TLK1: variants seen among roughly 807,000 people sequenced by gnomAD.
TLK1 encodes the protein serine/threonine-protein kinase tousled-like 1.
TLK1 carries 24 observed loss-of-function variants against 105.3 expected under a neutral mutation model. That is an observed-to-expected ratio of 0.23 (90% confidence interval 0.17 to 0.32). The LOEUF (loss-of-function observed/expected upper bound fraction) is 0.32, where lower values mean the gene tolerates loss of function less well. Ranked by LOEUF, TLK1 falls within the 10% of genes least tolerant of loss-of-function variation. The pLI is 1.00. For missense variants in TLK1, 558 were observed against 910.5 expected, an observed-to-expected ratio of 0.61 and a Z score of 4.98; for synonymous variants, 321 against 310.4, an observed-to-expected ratio of 1.03 and a Z score of -0.36.
At chr2:171,071,294 CT>C (rs199944263) in intron 3 of TLK1, among the ~76,000 whole-genome samples, 135 of 144,518 alleles carry the variant, frequency 9.3e-4, no homozygotes, top group Middle Eastern at 3.5e-3. Flanking sequence ...CCCATTTGTC[CT>C]TTTTTTTTTT....
intron 1 of TLK1, among the ~76,000 whole-genome samples, chr2:171,173,419 C>T (rs1220863219): frequency 6.6e-6 from 1 of 152,078 alleles, no homozygotes; most frequent in African/African-American, 2.4e-5. Context: ...CAGCCCCAAA[C>T]TCCTGTTGCC....
chr2:171,090,610 T>C (rs1328488625), intron 2 of TLK1, among the ~76,000 whole-genome samples: 1 of 152,228 alleles, frequency 6.6e-6, no homozygotes. Context: ...TTCCTAGGTA[T>C]TCACTTTCTA....
At chr2:171,081,680 C>T (rs757840543) in intron 3 of TLK1, 3 of 1,304,176 alleles carry the variant, frequency 2.3e-6, no homozygotes, top group Admixed American at 2.3e-5. Flanking sequence ...GTCACTTGCA[C>T]AGTCCTTTCA....
chr2:171,189,827 G>A (rs1481361749), intron 1 of TLK1, among the ~76,000 whole-genome samples: 1 of 152,090 alleles, frequency 6.6e-6, no homozygotes, highest in Non-Finnish European at 1.5e-5. Context: ...TCCACCTCCA[G>A]CATTGTATTT....
At chr2:171,082,971 A>T (rs1392784335) in intron 2 of TLK1, 119 bp from the exon 3 acceptor site, 13 of 695,382 alleles carry the variant, frequency 1.9e-5, no homozygotes, top group Admixed American at 1.3e-4. Context: ...ATAAAGTATA[A>T]TTCCTTAAAA....
chr2:171,114,828 C>G (rs2105525380), intron 2 of TLK1, among the ~76,000 whole-genome samples: 1 of 151,872 alleles, frequency 6.6e-6, no homozygotes, highest in Admixed American at 6.6e-5. Context: ...GAGTGAGATC[C>G]TGTCTCAGAG....
In TLK1 at chr2:171,006,829, G is replaced by A. The variant is rs2105363271; in HGVS notation, c.1569C>T (p.Leu523=). ...CTGTATCCAAGGAGAAATAATCATAGAGTTTAACTATTCTGGGGTGATCCA... is the reference window on the plus strand; with the variant it reads ...CTGTATCCAAGGAGAAATAATCATAAAGTTTAACTATTCTGGGGTGATCCA... ...KELDHPRIVK[L]YDYFSLDTDT... The change falls in exon 16 of 21, where the codon CTC becomes CTT. Residue 523 remains leucine (L), a synonymous_variant. Transcript: ENST00000431350. The A allele has an allele frequency of 2.5e-6, 4 of 1,613,120 alleles. No homozygotes were observed. The highest frequency in any genetic ancestry group is 1.3e-5 in the African/African-American group (1 of 75,008).
At chr2:171,076,860 G>C (rs1299407592) in intron 3 of TLK1, among the ~76,000 whole-genome samples, 1 of 151,930 alleles carries the variant, frequency 6.6e-6, no homozygotes, top group Non-Finnish European at 1.5e-5. Flanking sequence ...CTTGCAGTGA[G>C]CCGAGATGGC....
rs1250233357 is a variant in TLK1, at chr2:170,992,697, T to C, written c.*1083A>G. 1 of 152,632 alleles carries C rather than the reference T, an allele frequency of 6.6e-6. No homozygotes were observed. Among genetic ancestry groups the C allele is most frequent in the East Asian group, 1.9e-4 (1 of 5,200 alleles). The allele number at this position is 152,632 out of a possible 1,614,324, so 9.5% of individuals were successfully genotyped here. A position where few individuals can be genotyped will look rare whatever the true frequency, so the allele number is the denominator to read the frequency against. ...TAATGACTGTCTGCTTTTTAATATC[T>C]ATGATGTACAGTCAACTTGCACCTT... On this transcript the variant is annotated 3_prime_UTR_variant, in exon 21 of 21. Coordinates refer to ENST00000431350, the MANE Select transcript of TLK1 (RefSeq NM_012290.5).
At chr2:171,110,363 G>T (rs1316383797) in intron 2 of TLK1, among the ~76,000 whole-genome samples, 1 of 152,226 alleles carries the variant, frequency 6.6e-6, no homozygotes, top group Non-Finnish European at 1.5e-5. Flanking sequence ...CAGCTACTCG[G>T]GAGGCTGAGG....
intron 18 of TLK1, among the ~76,000 whole-genome samples, chr2:171,001,871 A>G (rs1251801452): frequency 1.3e-5 from 2 of 151,708 alleles, no homozygotes; most frequent in African/African-American, 4.8e-5. Context: ...ACCTCTGCCT[A>G]CTGGGTTCAA....
chr2:171,220,704 A>G (rs1218026667), intron 1 of TLK1, among the ~76,000 whole-genome samples: 1 of 151,936 alleles, frequency 6.6e-6, no homozygotes, highest in African/African-American at 2.4e-5. Flanking sequence ...CCATACAACT[A>G]TGAAGATAGT....
At chr2:171,206,511 AG>A (rs1436869719) in intron 1 of TLK1, among the ~76,000 whole-genome samples, 1 of 152,166 alleles carries the variant, frequency 6.6e-6, no homozygotes, top group African/African-American at 2.4e-5. Flanking sequence ...GAAACCTTTA[AG>A]GGGCCTATCA....
At chr2:171,048,509 C>T (rs1362450895) in intron 10 of TLK1, among the ~76,000 whole-genome samples, 1 of 152,148 alleles carries the variant, frequency 6.6e-6, no homozygotes, top group Non-Finnish European at 1.5e-5. Context: ...AACATTCATC[C>T]TCTAATAATA....
chr2:171,153,315 CAT>C (rs763581994), intron 1 of TLK1, among the ~76,000 whole-genome samples: 10 of 152,188 alleles, frequency 6.6e-5, no homozygotes, highest in Non-Finnish European at 1.2e-4. Context: ...TAAGAATTAA[CAT>C]GTGCGAACAC....
At chr2:171,065,388 A>G (rs1325682029) in intron 3 of TLK1, among the ~76,000 whole-genome samples, 6 of 152,254 alleles carry the variant, frequency 3.9e-5, no homozygotes, top group African/African-American at 1.4e-4. Context: ...TTAAACAAGA[A>G]AATACTTTAA....
At chr2:171,127,881 T>C (rs998877934) in intron 1 of TLK1, among the ~76,000 whole-genome samples, 18 of 152,178 alleles carry the variant, frequency 1.2e-4, no homozygotes, top group Non-Finnish European at 2.4e-4. Context: ...CATATATAGA[T>C]ATATATGTAC....
intron 1 of TLK1, among the ~76,000 whole-genome samples, chr2:171,169,639 G>T (rs1036046363): frequency 3.9e-5 from 6 of 152,020 alleles, no homozygotes; most frequent in African/African-American, 1.5e-4. Context: ...GATTTTTGTT[G>T]TTAGCCTTTG....
intron 10 of TLK1, among the ~76,000 whole-genome samples, chr2:171,047,780 G>A (rs1237548104): frequency 1.3e-5 from 2 of 151,978 alleles, no homozygotes; most frequent in South Asian, 2.1e-4. Flanking sequence ...GATTACTCAG[G>A]GATGACTATA....
Sources: gnomAD v4.1 joint callset for allele counts (sites outside exome capture counted in the v4.1 genomes callset) on GRCh38, gnomAD v4.1.1 for gene constraint, MANE v1.5 for transcripts, NCBI Gene and HGNC (gene_info 2026-07-23, HGNC 2026-07-21) for gene names.